The following INSR variants were observed in gnomAD, a reference collection of about 807,000 sequenced individuals.
The protein encoded by INSR is IR.
In INSR, 67 loss-of-function variants were observed where a neutral mutation model predicts 142.6. The observed-to-expected ratio is 0.47, with a 90% CI of 0.39 to 0.58. The LOEUF is 0.58. Among genes scored for constraint, INSR ranks in the 20% least tolerant of loss-of-function variants. The pLI is 0.00. For missense variants in INSR, 1,248 were observed against 1,833.2 expected, an observed-to-expected ratio of 0.68 and a Z score of 5.83; for synonymous variants, 756 against 743.1, an observed-to-expected ratio of 1.02 and a Z score of -0.28.
intron 2 of INSR, among the ~76,000 whole-genome samples, chr19:7,265,350 C>G (rs1381562179): frequency 6.6e-6 from 1 of 152,126 alleles, no homozygotes; most frequent in African/African-American, 2.4e-5. Flanking sequence ...CTGTCTGAGG[C>G]CCCCAGTTAG....
At chr19:7,218,166 C>CG (rs1220882872) in intron 2 of INSR, among the ~76,000 whole-genome samples, 1 of 151,808 alleles carries the variant, frequency 6.6e-6, no homozygotes, top group African/African-American at 2.4e-5. Context: ...TCTGACCCCC[C>CG]GGGGGTCACG....
chr19:7,119,672 A>G lies in INSR; in HGVS notation c.3660-89T>C. 2 of 1,443,168 alleles carry G rather than the reference A, an allele frequency of 1.4e-6. No homozygotes were observed. The highest frequency in any genetic ancestry group is 1.1e-5 in the South Asian group (1 of 86,968). The allele number at this position is 1,443,168 out of a possible 1,614,324, so 89.4% of individuals were successfully genotyped here. A position where few individuals can be genotyped will look rare whatever the true frequency, so the allele number is the denominator to read the frequency against. ...CGCAAACACACACACGCAAACGCAC[A>G]CACACACGCAAACACACATGCCAAC... is the stretch of plus-strand genomic sequence containing the variant. On this transcript the variant is annotated intron_variant, in intron 20 of 21. Coordinates refer to ENST00000302850, the MANE Select transcript of INSR (RefSeq NM_000208.4). This position sits in a 1 kb window ranked among gnomAD's most constrained non-coding sequence, Gnocchi z 5.2.
At chr19:7,187,906 G>A (rs370654548) in intron 2 of INSR, among the ~76,000 whole-genome samples, 4 of 152,050 alleles carry the variant, frequency 2.6e-5, no homozygotes, top group South Asian at 2.1e-4. Flanking sequence ...GATGACTACC[G>A]TCTCCCAGAC....
At chr19:7,161,372 G>A (rs11882025) in intron 9 of INSR, among the ~76,000 whole-genome samples, 25,507 of 151,600 alleles carry the variant, frequency 0.17, 2,317 homozygotes, top group South Asian at 0.29. Context: ...AGATCCTCCC[G>A]CCTGGGCCTC....
chr19:7,174,074 G>A (rs928461606), intron 4 of INSR, among the ~76,000 whole-genome samples: 7 of 151,620 alleles, frequency 4.6e-5, no homozygotes, highest in Non-Finnish European at 1.0e-4. Flanking sequence ...CTCGAGCCCA[G>A]GAGTTTGAGA....
chr19:7,244,931 C>CTTTTTTTTTTTTTTTTTTTTT (rs370936908), intron 2 of INSR, among the ~76,000 whole-genome samples: 1 of 88,036 alleles, frequency 1.1e-5, no homozygotes, highest in Non-Finnish European at 2.5e-5. Context: ...TTTGTTTTTG[C>CTTTTTTTTTTTTTTTTTTTTT]TTTTTTTTTT....
At chr19:7,224,367 T>C (rs1975714345) in intron 2 of INSR, among the ~76,000 whole-genome samples, 1 of 151,838 alleles carries the variant, frequency 6.6e-6, no homozygotes, top group Non-Finnish European at 1.5e-5. Context: ...TGTTTTCCAA[T>C]TGGCTTTTCC....
At chr19:7,137,218 G>A (rs1972951224) in intron 13 of INSR, among the ~76,000 whole-genome samples, 1 of 151,338 alleles carries the variant, frequency 6.6e-6, no homozygotes. Context: ...TGTGGTGGGA[G>A]TGAATATTAT....
chr19:7,123,783 T>C (rs1972553025), intron 17 of INSR, among the ~76,000 whole-genome samples: 2 of 148,188 alleles, frequency 1.3e-5, no homozygotes, highest in Non-Finnish European at 3.0e-5. Flanking sequence ...ATTAGCTGGG[T>C]GTGGTGGTGG....
intron 1 of INSR, among the ~76,000 whole-genome samples, chr19:7,289,282 C>G (rs1031206074): frequency 6.6e-6 from 1 of 151,862 alleles, no homozygotes; most frequent in African/African-American, 2.4e-5. Context: ...GCAGGGAGGA[C>G]TGGCCTGGGG....
At chr19:7,182,243 G>T (rs1038665896) in intron 3 of INSR, among the ~76,000 whole-genome samples, 7 of 152,090 alleles carry the variant, frequency 4.6e-5, no homozygotes, top group African/African-American at 1.7e-4. Flanking sequence ...GCTAAGGCAG[G>T]AGAATCACTT....
rs550601915 is a variant in INSR, at chr19:7,292,830, CA to C, written c.100+961del. 2.9e-3 allele frequency among the ~76,000 whole-genome samples: 436 copies of C among 152,180 alleles called. 2 individuals carry two copies. Among genetic ancestry groups the C allele is most frequent in the Non-Finnish European group, 5.1e-3 (344 of 68,010 alleles). On this transcript the variant is annotated intron_variant, in intron 1 of 21. Coordinates refer to ENST00000302850, the MANE Select transcript of INSR (RefSeq NM_000208.4). ...CACGTGGGAGAGGGGCCCATGGGGT[CA>C]GGGGGAACGAAAGGCTCACTCAAGG...
intron 2 of INSR, among the ~76,000 whole-genome samples, chr19:7,235,749 G>A (rs1026898284): frequency 6.6e-6 from 1 of 151,954 alleles, no homozygotes; most frequent in African/African-American, 2.4e-5. Flanking sequence ...AGGAGGCCGA[G>A]GTGGGAGGAT....
rs945168869 is a variant in INSR, at chr19:7,112,600, G to C, written c.*4456C>G. On this transcript the variant is annotated 3_prime_UTR_variant, in exon 22 of 22. Coordinates refer to ENST00000302850, the MANE Select transcript of INSR (RefSeq NM_000208.4). ...TGCATGGGTGCACACTTATTTTGAG[G>C]CTCTTCCTTCCTTCTCCAATGGGAC... The C allele has an allele frequency of 6.6e-6, 1 of 152,110 alleles. No individual in the cohort carries two copies. Among genetic ancestry groups the C allele is most frequent in the Non-Finnish European group, 1.5e-5 (1 of 68,022 alleles). The allele number at this position is 152,110 out of a possible 1,614,324, so 9.4% of individuals were successfully genotyped here.
At chr19:7,260,949 G>A (rs1568225010) in intron 2 of INSR, among the ~76,000 whole-genome samples, 3 of 151,408 alleles carry the variant, frequency 2.0e-5, no homozygotes, top group Non-Finnish European at 4.4e-5. Context: ...GTGCAGTGGT[G>A]TGATCTCAGC....
rs900940603 is a variant in INSR at position 7,262,479 on chromosome 19, T to A, written c.652+4866A>T. ...GAGAGCAAAACTCCGTCTCAAAAAA[T>A]AAATAAATAAATAAGTTTCCTAAAG... On this transcript the variant is annotated intron_variant, in intron 2 of 21. Transcript: ENST00000302850. Among the ~76,000 whole-genome samples, 15 of 152,030 alleles carry A rather than the reference T, an allele frequency of 9.9e-5. 1 individual carries two copies. The South Asian group carries it at 1.2e-3, about 13-fold the overall frequency.
chr19:7,177,831 G>A (rs987216674), intron 3 of INSR, among the ~76,000 whole-genome samples: 5 of 150,804 alleles, frequency 3.3e-5, no homozygotes, highest in Admixed American at 6.7e-5. Flanking sequence ...ACAGGTGTGA[G>A]CAACCGTGCC....
chr19:7,154,869 A>G (rs772785150), intron 9 of INSR, among the ~76,000 whole-genome samples: 1 of 151,924 alleles, frequency 6.6e-6, no homozygotes, highest in Non-Finnish European at 1.5e-5. Flanking sequence ...GGTTGCAGTG[A>G]GCCGAGATTG....
Position 7,119,008 on chromosome 19 carries a change from G to A in INSR, c.3794+441C>T, listed in dbSNP as rs189904667. 2.1e-4 allele frequency among the ~76,000 whole-genome samples: 32 copies of A among 150,190 alleles called. 1 individual carries two copies. The highest frequency in any genetic ancestry group is 3.4e-4 in the African/African-American group (14 of 40,766). Reference sequence around the variant, plus strand: ...GTTCCCTTCTCCCAAGATAACTACCGCTATAGGTGTTTTGTGCAACCTTCC... The same window carrying A: ...GTTCCCTTCTCCCAAGATAACTACCACTATAGGTGTTTTGTGCAACCTTCC... On this transcript the variant is annotated intron_variant, in intron 21 of 21. Transcript: ENST00000302850. This position sits in a 1 kb window ranked among gnomAD's most constrained non-coding sequence, Gnocchi z 5.2.
Sources: allele counts gnomAD v4.1 joint callset (sites outside exome capture counted in the v4.1 genomes callset), GRCh38; gene constraint gnomAD v4.1.1; non-coding constraint Gnocchi (gnomAD v3.1); transcripts MANE v1.5; gene names NCBI Gene and HGNC (gene_info 2026-07-23, HGNC 2026-07-21).